Variants in MTMR8 observed in about 807,000 individuals in gnomAD.
MTMR8 encodes the protein phosphatidylinositol-3,5-bisphosphate 3-phosphatase MTMR8.
Under a neutral mutation model 39.3 loss-of-function variants are expected in MTMR8, and 65 were observed. The ratio of observed to expected loss-of-function variants is 1.65; its 90% CI spans 1.35 to 2.03. The LOEUF (loss-of-function observed/expected upper bound fraction) is 2.03. Among genes scored for constraint, MTMR8 ranks in the 30% most tolerant of loss-of-function variants. The probability of loss-of-function intolerance (pLI) is 0.00; values close to 1 mark genes in which losing one functional copy is unlikely to be tolerated. For synonymous variants in MTMR8, 245 were observed against 185.2 expected (o/e 1.32, Z -2.62); for missense variants, 777 against 538.9 (o/e 1.44, Z -4.37).
chrX:64,322,545 T>G (rs1423041493), intron 12 of MTMR8, among the ~76,000 whole-genome samples: 6 of 111,931 alleles, frequency 5.4e-5, no homozygotes, highest in Non-Finnish European at 1.1e-4. Flanking sequence ...TTTTCTTTGA[T>G]TGGAGACTTT....
chrX:64,289,792 AC>A (rs1457231532), intron 12 of MTMR8, among the ~76,000 whole-genome samples: 1 of 111,180 alleles, frequency 9.0e-6, no homozygotes, highest in African/African-American at 3.3e-5. Context: ...GGTATATACA[AC>A]CAATTAAATA....
At chrX:64,321,751 A>T (rs1399259562) in intron 12 of MTMR8, among the ~76,000 whole-genome samples, 1 of 112,179 alleles carries the variant, frequency 8.9e-6, no homozygotes, top group African/African-American at 3.2e-5. Context: ...CCAAGTAGGA[A>T]AGCTTTAAAC....
chrX:64,355,311 A>C (rs1194230648), intron 3 of MTMR8, among the ~76,000 whole-genome samples: 1 of 111,881 alleles, frequency 8.9e-6, no homozygotes, highest in Non-Finnish European at 1.9e-5. Context: ...TTATTGTAAC[A>C]TGTTGCACAT....
chrX:64,294,936 G>A (rs757387491), intron 12 of MTMR8, among the ~76,000 whole-genome samples: 8 of 111,388 alleles, frequency 7.2e-5, no homozygotes, highest in African/African-American at 2.3e-4. Context: ...TAAGGTACAA[G>A]ACCTCTTTAT....
At chrX:64,290,151 G>T (rs777663992) in intron 12 of MTMR8, among the ~76,000 whole-genome samples, 5 of 110,434 alleles carry the variant, frequency 4.5e-5, no homozygotes, top group African/African-American at 1.6e-4. Context: ...ACCTAAAAAT[G>T]GTCAAGAAGG....
At chrX:64,306,254 G>C in intron 12 of MTMR8, 1 of 338,485 alleles carries the variant, frequency 3.0e-6, no homozygotes, top group East Asian at 7.8e-5. Flanking sequence ...GTGAATGGAG[G>C]AGCCTCAGGA....
At position 64,363,140 on chromosome X, in the gene MTMR8, C is replaced by T. The variant is rs146720213; in HGVS notation, c.25-3613G>A. Among the ~76,000 whole-genome samples, 449 of 111,576 alleles carry T rather than the reference C, an allele frequency of 4.0e-3. 1 individual carries two copies. Among genetic ancestry groups the T allele is most frequent in the Middle Eastern group, 0.032 (7 of 219 alleles). ...CACTACAACCAGGGGGTTACAGATACGTGGGGACCATTCGGAAGGGCAATC... is the reference window on the plus strand; with the variant it reads ...CACTACAACCAGGGGGTTACAGATATGTGGGGACCATTCGGAAGGGCAATC... On this transcript the variant is annotated intron_variant, in intron 1 of 13. Coordinates refer to ENST00000374852, the MANE Select transcript of MTMR8 (RefSeq NM_017677.4).
At chrX:64,334,651 C>T (rs1390543291) in intron 10 of MTMR8, among the ~76,000 whole-genome samples, 1 of 106,819 alleles carries the variant, frequency 9.4e-6, no homozygotes, top group Admixed American at 1.0e-4. Flanking sequence ...CTCATTTCCT[C>T]TATTCTCCCT....
intron 12 of MTMR8, among the ~76,000 whole-genome samples, chrX:64,314,232 A>G (rs1276631355): frequency 1.8e-5 from 2 of 112,800 alleles, no homozygotes; most frequent in Admixed American, 9.3e-5. Context: ...GGGTGATGGT[A>G]GTGGGATTCA....
At chrX:64,302,746 A>G (rs1028489949) in intron 12 of MTMR8, among the ~76,000 whole-genome samples, 1 of 112,405 alleles carries the variant, frequency 8.9e-6, no homozygotes, top group African/African-American at 3.2e-5. Context: ...TGCTTTACAT[A>G]CACTGCAAAA....
intron 12 of MTMR8, among the ~76,000 whole-genome samples, chrX:64,301,141 A>C (rs1921857052): frequency 9.2e-6 from 1 of 108,857 alleles, no homozygotes; most frequent in Non-Finnish European, 1.9e-5. Context: ...TAGATTGGGG[A>C]AGTTCTCCTG....
intron 12 of MTMR8, among the ~76,000 whole-genome samples, chrX:64,325,310 T>C (rs756166084): frequency 6.1e-4 from 68 of 111,998 alleles, no homozygotes; most frequent in Non-Finnish European, 1.0e-3. Context: ...TTTATAAGGA[T>C]AGCATTACCC....
Position 64,345,213 on chromosome X carries a change from C to A in MTMR8, c.733-36G>T, listed in dbSNP as rs781129000. 9.2e-6 allele frequency: 11 copies of A among 1,190,299 alleles called. No homozygotes were observed. In the South Asian group the frequency reaches 1.8e-4, roughly 20 times the overall value. ...AGAGGACATAATAGAGCAGATAGGC[C>A]AGATGATGAAAGAATGGAGTTCATC... On this transcript the variant is annotated intron_variant, in intron 6 of 13. Coordinates refer to ENST00000374852, the MANE Select transcript of MTMR8 (RefSeq NM_017677.4).
At chrX:64,288,957 T>A (rs1475761766) in intron 12 of MTMR8, among the ~76,000 whole-genome samples, 1 of 110,281 alleles carries the variant, frequency 9.1e-6, no homozygotes, top group African/African-American at 3.3e-5. Flanking sequence ...ATATGCCACA[T>A]GTATACATAT....
intron 2 of MTMR8, among the ~76,000 whole-genome samples, chrX:64,358,081 T>C (rs1923674513): frequency 8.9e-6 from 1 of 112,112 alleles, no homozygotes; most frequent in African/African-American, 3.2e-5. Context: ...CTGTACTGTC[T>C]ATAAATGCAG....
chrX:64,313,503 T>C (rs1922375464), intron 12 of MTMR8, among the ~76,000 whole-genome samples: 1 of 112,777 alleles, frequency 8.9e-6, no homozygotes, highest in Non-Finnish European at 1.9e-5. Flanking sequence ...TTTAATTTCC[T>C]TCAAGAACTT....
chrX:64,326,177 G>A (rs1003458338), intron 12 of MTMR8, among the ~76,000 whole-genome samples: 1 of 111,199 alleles, frequency 9.0e-6, no homozygotes, highest in Admixed American at 9.6e-5. Context: ...GTGTTGAGTA[G>A]GCGGAGGAAG....
intron 12 of MTMR8, among the ~76,000 whole-genome samples, chrX:64,282,813 A>T (rs757425626): frequency 9.8e-5 from 11 of 111,954 alleles, no homozygotes; most frequent in African/African-American, 3.6e-4. Context: ...TGCAAATCAT[A>T]TATCTAGTAA....
chrX:64,310,889 C>A (rs1229098246), intron 12 of MTMR8, among the ~76,000 whole-genome samples: 1 of 112,066 alleles, frequency 8.9e-6, no homozygotes, highest in African/African-American at 3.2e-5. Context: ...TTTCCTTAAT[C>A]CAGTCTATCA....
Sources: allele counts gnomAD v4.1 joint callset (sites outside exome capture counted in the v4.1 genomes callset), GRCh38; gene constraint gnomAD v4.1.1; transcripts MANE v1.5; gene names NCBI Gene and HGNC (gene_info 2026-07-23, HGNC 2026-07-21).